The following GNL3L variants were observed in gnomAD, a reference collection of about 807,000 sequenced individuals.
GNL3L encodes G protein nucleolar 3 like.
In GNL3L, 4 loss-of-function variants were observed where a neutral mutation model predicts 42.9. The observed-to-expected ratio is 0.09, with a 90% CI of 0.05 to 0.21. GNL3L has a LOEUF of 0.21. Ranked by LOEUF, GNL3L falls within the 10% of genes least tolerant of loss-of-function variation. The pLI, the probability that GNL3L is intolerant of heterozygous loss-of-function variation, is 1.00. For missense variants in GNL3L, 412 were observed against 481.7 expected, an observed-to-expected ratio of 0.86 and a Z score of 1.36; for synonymous variants, 159 against 176.3, an observed-to-expected ratio of 0.90 and a Z score of 0.78.
chrX:54,544,618 C>T (rs1173445514), intron 8 of GNL3L, among the ~76,000 whole-genome samples: 2 of 108,640 alleles, frequency 1.8e-5, no homozygotes, highest in Non-Finnish European at 3.8e-5. Context: ...TACATGCACG[C>T]GTCACCATGC....
chrX:54,586,588 A>G (rs1305507052), intron 16 of GNL3L, among the ~76,000 whole-genome samples: 1 of 111,915 alleles, frequency 8.9e-6, no homozygotes, highest in Admixed American at 9.4e-5. Flanking sequence ...AGTAAAGCCA[A>G]TACCCCCCAG....
chrX:54,632,065 A>G, the GNL3L span, among the ~76,000 whole-genome samples: 11 of 111,992 alleles, frequency 9.8e-5, no homozygotes, highest in Non-Finnish European at 1.9e-4. Context: ...TTTGGCTGAT[A>G]ATCGTTTTGT....
downstream of GNL3L, among the ~76,000 whole-genome samples, chrX:54,568,019 A>G (rs1205383895): frequency 2.0e-5 from 2 of 97,757 alleles, no homozygotes; most frequent in Non-Finnish European, 4.0e-5. Context: ...CCCAGGCTGG[A>G]GTGCAGTGGC....
chrX:54,577,303 T>C (rs189987188), intron 16 of GNL3L, among the ~76,000 whole-genome samples: 32 of 112,147 alleles, frequency 2.9e-4, no homozygotes, highest in African/African-American at 1.0e-3. Context: ...GCTTTTGAAG[T>C]GTAATTGACA....
chrX:54,563,879 C>G lies in GNL3L; in HGVS notation c.*3277C>G, dbSNP rs1367380929. Among the ~76,000 whole-genome samples, 1 of 111,713 alleles carries G rather than the reference C, an allele frequency of 9.0e-6. No homozygotes were observed. The highest frequency in any genetic ancestry group is 2.8e-4 in the East Asian group (1 of 3,577). On this transcript the variant is annotated 3_prime_UTR_variant, in exon 16 of 16. Coordinates refer to ENST00000360845, the MANE Select transcript of GNL3L (RefSeq NM_001184819.2). ...AAGGTTTTTTTTAAAAAAGTATTTT[C>G]TTAACTTTTTACCTTCATTTTTCAA...
chrX:54,546,040 A>G (rs961512917), intron 8 of GNL3L, among the ~76,000 whole-genome samples: 1 of 111,544 alleles, frequency 9.0e-6, no homozygotes, highest in African/African-American at 3.3e-5. Flanking sequence ...ATTTTTGTAG[A>G]GATGGGGGGA....
chrX:54,567,657 A>AG (rs1260426110), downstream of GNL3L, among the ~76,000 whole-genome samples: 2 of 109,946 alleles, frequency 1.8e-5, no homozygotes, highest in East Asian at 5.7e-4. Flanking sequence ...AAAAAAAAAA[A>AG]AAAAGAATGG....
intron 16 of GNL3L, among the ~76,000 whole-genome samples, chrX:54,572,451 CA>C (rs1321751531): frequency 1.8e-5 from 2 of 111,916 alleles, no homozygotes; most frequent in African/African-American, 6.5e-5. Flanking sequence ...ATCTTTTCCC[CA>C]CCTTTCCCCC....
chrX:54,599,895 A>G, intron 16 of GNL3L, among the ~76,000 whole-genome samples: 1 of 110,950 alleles, frequency 9.0e-6, no homozygotes, highest in Non-Finnish European at 1.9e-5. Flanking sequence ...TTCTATTCTA[A>G]AATTTCCATT....
At chrX:54,537,971 G>A (rs1298845119) in intron 2 of GNL3L, among the ~76,000 whole-genome samples, 1 of 111,319 alleles carries the variant, frequency 9.0e-6, no homozygotes, top group Non-Finnish European at 1.9e-5. Flanking sequence ...TTCCTTTGAA[G>A]TATCTTCTTG....
chrX:54,588,686 G>C (rs958769336), intron 16 of GNL3L, among the ~76,000 whole-genome samples: 1 of 111,500 alleles, frequency 9.0e-6, no homozygotes. Context: ...CTAGCCAGGC[G>C]TGGTGGCACA....
chrX:54,547,090 G>A (rs745652773), intron 8 of GNL3L, among the ~76,000 whole-genome samples: 15 of 103,426 alleles, frequency 1.5e-4, no homozygotes, highest in Non-Finnish European at 2.5e-4. Context: ...TCTGCCTCCC[G>A]GGTTCAAGTG....
At position 54,565,549 on chromosome X, in the gene GNL3L, G is replaced by C. The variant is rs1753164495; in HGVS notation, c.*4947G>C. Reference sequence around the variant, plus strand: ...GGGGTCTCACTGTGTTGACCAGGATGGTCTTGAACTGCTGGCCTCAAGTAA... The same window carrying C: ...GGGGTCTCACTGTGTTGACCAGGATCGTCTTGAACTGCTGGCCTCAAGTAA... On this transcript the variant is annotated 3_prime_UTR_variant, in exon 16 of 16. Coordinates refer to ENST00000360845, the MANE Select transcript of GNL3L (RefSeq NM_001184819.2). Among the ~76,000 whole-genome samples, 1 of 110,442 alleles carries C rather than the reference G, an allele frequency of 9.1e-6. No individual in the cohort carries two copies. Among genetic ancestry groups the C allele is most frequent in the Non-Finnish European group, 1.9e-5 (1 of 52,901 alleles).
chrX:54,633,615 C>T, the GNL3L span, among the ~76,000 whole-genome samples: 6 of 109,734 alleles, frequency 5.5e-5, no homozygotes, highest in South Asian at 2.4e-3. Flanking sequence ...GTTCTCAGGC[C>T]AATGGAGTTA....
At chrX:54,530,942 C>G (rs972316220) in intron 1 of GNL3L, among the ~76,000 whole-genome samples, 9 of 111,431 alleles carry the variant, frequency 8.1e-5, no homozygotes, top group Non-Finnish European at 1.7e-4. Flanking sequence ...GTATCGCTCC[C>G]CAACTCACCC....
chrX:54,615,926 G>A (rs752861780), intron 16 of GNL3L, among the ~76,000 whole-genome samples: 1 of 112,628 alleles, frequency 8.9e-6, no homozygotes, highest in Non-Finnish European at 1.9e-5. Context: ...TGAAACCTGG[G>A]AAATGTAACT....
Position 54,610,633 on chromosome X carries a change from C to T in GNL3L, c.*46-10212C>T, listed in dbSNP as rs148236848. On this transcript the variant is annotated intron_variant, in intron 16 of 16. Coordinates refer to the GNL3L transcript ENST00000674498. ...ATGTGATTTTTGTTTTAATTCTGTTCGTGTGGTGTATCACATTTATTGACT... is the reference window on the plus strand; with the variant it reads ...ATGTGATTTTTGTTTTAATTCTGTTTGTGTGGTGTATCACATTTATTGACT... Among the ~76,000 whole-genome samples the T allele has an allele frequency of 6.1e-3, 674 of 111,402 alleles. 6 individuals carry two copies. Among genetic ancestry groups the T allele is most frequent in the African/African-American group, 0.021 (652 of 30,770 alleles).
downstream of GNL3L, among the ~76,000 whole-genome samples, chrX:54,568,129 C>T (rs191276567): frequency 1.2e-3 from 128 of 109,721 alleles, 1 homozygote; most frequent in African/African-American, 3.9e-3. Context: ...CCACCACGCC[C>T]GGCTAGTTTT....
chrX:54,547,120 C>T (rs1924798435), intron 8 of GNL3L, among the ~76,000 whole-genome samples: 1 of 107,150 alleles, frequency 9.3e-6, no homozygotes, highest in Non-Finnish European at 1.9e-5. Flanking sequence ...CCCCAGCCTC[C>T]CGAGTAGCTG....
Sources: gnomAD v4.1 joint callset for allele counts (sites outside exome capture counted in the v4.1 genomes callset) on GRCh38, gnomAD v4.1.1 for gene constraint, MANE v1.5 for transcripts, NCBI Gene and HGNC (gene_info 2026-07-23, HGNC 2026-07-21) for gene names.